KDM4C: variants seen among roughly 807,000 people sequenced by gnomAD.
KDM4C encodes the protein lysine demethylase 4C, also known as lysine-specific demethylase 4C.
Under a neutral mutation model 129.3 loss-of-function variants are expected in KDM4C, and 81 were observed. The ratio of observed to expected loss-of-function variants is 0.63; its 90% CI spans 0.52 to 0.75. The LOEUF (loss-of-function observed/expected upper bound fraction) is 0.75, where lower values mean the gene tolerates loss of function less well. KDM4C is among the 30% of genes least tolerant of loss of function. The pLI is 0.00. For missense variants in KDM4C, 1,457 were observed against 1,304.0 expected (o/e 1.12, Z -1.81); for synonymous variants, 573 against 456.1 (o/e 1.26, Z -3.26).
At chr9:6,908,434 G>A (rs1818709419) in intron 8 of KDM4C, among the ~76,000 whole-genome samples, 1 of 152,206 alleles carries the variant, frequency 6.6e-6, no homozygotes, top group African/African-American at 2.4e-5. Context: ...CTGACAAGTA[G>A]CAGTGTGTGC....
chr9:6,905,792 A>G (rs1255480324), intron 8 of KDM4C, among the ~76,000 whole-genome samples: 1 of 152,176 alleles, frequency 6.6e-6, no homozygotes, highest in Admixed American at 6.5e-5. Flanking sequence ...GGGCAAAGCT[A>G]AATCAGCCTG....
chr9:6,993,755 G>C (rs193142468), intron 12 of KDM4C, among the ~76,000 whole-genome samples: 1 of 152,324 alleles, frequency 6.6e-6, no homozygotes, highest in East Asian at 1.9e-4. Flanking sequence ...ATCTGCGGCA[G>C]TATTTCTTTC....
chr9:6,978,064 T>G (rs1363843660), intron 8 of KDM4C, among the ~76,000 whole-genome samples: 1 of 152,210 alleles, frequency 6.6e-6, no homozygotes, highest in East Asian at 1.9e-4. Context: ...ATCTAGCATT[T>G]TCAGCAACAT....
intron 8 of KDM4C, chr9:6,925,415 TTTCCCC>T: frequency 3.1e-6 from 3 of 972,920 alleles, no homozygotes; most frequent in Non-Finnish European, 3.7e-6. Flanking sequence ...TCCCTTTCCC[TTTCCCC>T]TTCCTCCTTT....
intron 1 of KDM4C, among the ~76,000 whole-genome samples, chr9:6,745,989 A>G (rs1817858375): frequency 6.6e-6 from 1 of 151,750 alleles, no homozygotes; most frequent in African/African-American, 2.4e-5. Flanking sequence ...TGTTTTTAGT[A>G]CAGACGGGGT....
chr9:6,802,436 T>C (rs1829183446), intron 2 of KDM4C, among the ~76,000 whole-genome samples: 1 of 152,242 alleles, frequency 6.6e-6, no homozygotes, highest in Admixed American at 6.5e-5. Flanking sequence ...TAGAGACCCA[T>C]GTGCATATAT....
At chr9:6,987,221 C>G (rs1259534038) in intron 11 of KDM4C, among the ~76,000 whole-genome samples, 1 of 152,312 alleles carries the variant, frequency 6.6e-6, no homozygotes, top group South Asian at 2.1e-4. Flanking sequence ...TCTTCTTACT[C>G]TTTCCTCATG....
chr9:7,133,181 C>G (rs1372240174), intron 19 of KDM4C, among the ~76,000 whole-genome samples: 3 of 152,096 alleles, frequency 2.0e-5, no homozygotes, highest in Non-Finnish European at 4.4e-5. Flanking sequence ...TAGGAAAAGT[C>G]CAATTTTTTA....
At chr9:7,059,058 T>A (rs62534459) in intron 17 of KDM4C, among the ~76,000 whole-genome samples, 8,456 of 152,236 alleles carry the variant, frequency 0.056, 382 homozygotes, top group East Asian at 0.18. Flanking sequence ...TAAATGAGAT[T>A]AGTGGTGATA....
intron 1 of KDM4C, among the ~76,000 whole-genome samples, chr9:6,743,402 G>A (rs1404228323): frequency 6.6e-6 from 1 of 152,040 alleles, no homozygotes; most frequent in Non-Finnish European, 1.5e-5. Flanking sequence ...TGAGCAACAA[G>A]GATTATCAAG....
chr9:6,794,038 C>A (rs62567974), intron 2 of KDM4C, among the ~76,000 whole-genome samples: 9,642 of 152,258 alleles, frequency 0.063, 449 homozygotes, highest in Non-Finnish European at 0.099. Flanking sequence ...ATTCTCCATT[C>A]CCTGCTATCA....
At chr9:7,079,601 C>T (rs192565656) in intron 17 of KDM4C, among the ~76,000 whole-genome samples, 4 of 152,330 alleles carry the variant, frequency 2.6e-5, no homozygotes, top group South Asian at 2.1e-4. Context: ...GGATTAGAGG[C>T]GTGAGCCACG....
intron 8 of KDM4C, among the ~76,000 whole-genome samples, chr9:6,944,303 G>A (rs552215585): frequency 1.3e-5 from 2 of 152,276 alleles, no homozygotes; most frequent in Admixed American, 6.5e-5. Context: ...TCCTTTAATT[G>A]TCTGGAAGCT....
chr9:7,158,677 C>G (rs1035067041), intron 19 of KDM4C, among the ~76,000 whole-genome samples: 1 of 152,130 alleles, frequency 6.6e-6, no homozygotes, highest in Non-Finnish European at 1.5e-5. Context: ...ATCCTGAGTT[C>G]TAATTTGATT....
At chr9:6,725,716 T>A (rs553643948) in intron 1 of KDM4C, among the ~76,000 whole-genome samples, 8 of 148,026 alleles carry the variant, frequency 5.4e-5, no homozygotes, top group Non-Finnish European at 9.0e-5. Context: ...CTTTTCTTTT[T>A]TTTTTTTTTT....
intron 17 of KDM4C, among the ~76,000 whole-genome samples, chr9:7,080,372 C>T (rs993895116): frequency 1.3e-5 from 2 of 152,166 alleles, no homozygotes; most frequent in Non-Finnish European, 2.9e-5. Context: ...AGAGCTACCC[C>T]ACTGAACTAT....
chr9:6,968,240 C>T (rs1831344201), intron 8 of KDM4C, among the ~76,000 whole-genome samples: 2 of 152,294 alleles, frequency 1.3e-5, no homozygotes, highest in South Asian at 4.1e-4. Flanking sequence ...TTTTGGGAGG[C>T]TGAAGTGGGA....
intron 15 of KDM4C, among the ~76,000 whole-genome samples, chr9:7,028,009 G>C (rs763948058): frequency 1.8e-4 from 28 of 152,164 alleles, no homozygotes; most frequent in Non-Finnish European, 3.5e-4. Context: ...CGCTGGCCCA[G>C]AACTGGTAAA....
At chr9:6,727,044 A>G (rs1256257106) in intron 1 of KDM4C, 3 of 152,166 alleles carry the variant, frequency 2.0e-5, no homozygotes, top group Non-Finnish European at 2.9e-5. Context: ...CCGATTCTTT[A>G]TATTTGTAAA....
Sources: gnomAD v4.1 joint callset for allele counts (sites outside exome capture counted in the v4.1 genomes callset) on GRCh38, gnomAD v4.1.1 for gene constraint, MANE v1.5 for transcripts, NCBI Gene and HGNC (gene_info 2026-07-23, HGNC 2026-07-21) for gene names.